The following SPACA7 variants were observed in gnomAD, a reference collection of about 807,000 sequenced individuals.
The protein encoded by SPACA7 is sperm acrosome-associated protein 7.
A neutral mutation model predicts 26.3 loss-of-function variants in SPACA7; 19 were observed. The observed-to-expected ratio is 0.72, with a 90% CI of 0.50 to 1.06. The LOEUF is 1.06. Ranked by LOEUF, SPACA7 falls within the 50% of genes least tolerant of loss-of-function variation. SPACA7 has a pLI of 0.00. For synonymous variants in SPACA7, 84 were observed against 84.5 expected, an observed-to-expected ratio of 0.99 and a Z score of 0.04; for missense variants, 211 against 229.9, an observed-to-expected ratio of 0.92 and a Z score of 0.53.
At chr13:112,383,099 A>AGAC (rs1491331672) in intron 1 of SPACA7, among the ~76,000 whole-genome samples, 1 of 22,000 alleles carries the variant, frequency 4.5e-5, no homozygotes, top group African/African-American at 1.1e-4. Context: ...AGAAAGAAAG[A>AGAC]AGAAAGAAAA....
At position 112,401,092 on chromosome 13, in the gene SPACA7, C is replaced by T. The variant is rs1244291109; in HGVS notation, c.373C>T (p.His125Tyr). ...AGAAGCCAATGCTAATGCAAATCTC[C>T]ATGGCGATCCTTCTGAGAATTATCG... Reference protein sequence around the residue: ...NDEANANANLHGDPSENYRGP... With the variant: ...NDEANANANLYGDPSENYRGP... Residue 125 changes from histidine (H) to tyrosine (Y), a missense_variant, in exon 5 of 7, where the codon CAT (histidine) becomes TAT (tyrosine). Transcript: ENST00000283550. 1.2e-6 allele frequency: 2 copies of T among 1,613,988 alleles called. No homozygotes were observed. Among genetic ancestry groups the T allele is most frequent in the Admixed American group, 3.3e-5 (2 of 60,000 alleles).
At chr13:112,395,204 G>C (rs1264250986) in intron 2 of SPACA7, among the ~76,000 whole-genome samples, 1 of 152,228 alleles carries the variant, frequency 6.6e-6, no homozygotes, top group African/African-American at 2.4e-5. Flanking sequence ...GGGTGTGCTG[G>C]GGATGGCTCA....
chr13:112,399,951 C>A (rs1885529456), intron 4 of SPACA7, among the ~76,000 whole-genome samples: 1 of 152,120 alleles, frequency 6.6e-6, no homozygotes, highest in Non-Finnish European at 1.5e-5. Context: ...TATAACCAGA[C>A]CTCATGAGAA....
chr13:112,377,593 C>G (rs1883775980), intron 1 of SPACA7, among the ~76,000 whole-genome samples: 1 of 152,140 alleles, frequency 6.6e-6, no homozygotes, highest in Admixed American at 6.5e-5. Context: ...CAGGCCAAGA[C>G]TAGGGGATTT....
intron 5 of SPACA7, among the ~76,000 whole-genome samples, chr13:112,413,362 A>G (rs965834843): frequency 4.7e-4 from 52 of 109,880 alleles, no homozygotes; most frequent in African/African-American, 2.0e-3. Flanking sequence ...CTTGGTTGGA[A>G]GAGTTGTTTT....
At chr13:112,405,279 GCT>G (rs1380710318) in intron 5 of SPACA7, among the ~76,000 whole-genome samples, 16 of 151,398 alleles carry the variant, frequency 1.1e-4, no homozygotes, top group Non-Finnish European at 2.4e-4. Flanking sequence ...TCACTTTCTT[GCT>G]CTTTTTCTAG....
intron 5 of SPACA7, among the ~76,000 whole-genome samples, chr13:112,411,513 C>T (rs1016575989): frequency 2.0e-5 from 3 of 152,144 alleles, no homozygotes; most frequent in Non-Finnish European, 2.9e-5. Flanking sequence ...ATCACCCTAC[C>T]GTGCTGCCAA....
chr13:112,399,148 C>A lies in SPACA7; in HGVS notation c.324C>A (p.Gly108=). 6.2e-7 allele frequency: 1 copy of A among 1,602,084 alleles called. No homozygotes were observed. Among genetic ancestry groups the A allele is most frequent in the Non-Finnish European group, 8.6e-7 (1 of 1,169,084 alleles). ...TAGAGAATTTACAATTCTCTCCTGGCATTGAGGTCAAAATTTCCAATGATG... is the reference window on the plus strand; with the variant it reads ...TAGAGAATTTACAATTCTCTCCTGGAATTGAGGTCAAAATTTCCAATGATG... ...ELLENLQFSP[G]IEVKISNDEA... The change falls in exon 4 of 7, where the codon GGC becomes GGA. Residue 108 remains glycine, a synonymous_variant. Transcript: ENST00000283550.
chr13:112,406,452 T>C (rs1045852863), intron 5 of SPACA7, among the ~76,000 whole-genome samples: 2 of 152,184 alleles, frequency 1.3e-5, no homozygotes, highest in African/African-American at 2.4e-5. Context: ...GCCAAGTAAT[T>C]TGGAAATTAC....
chr13:112,427,974 A>G (rs760514639), intron 5 of SPACA7, among the ~76,000 whole-genome samples: 1 of 152,122 alleles, frequency 6.6e-6, no homozygotes, highest in Non-Finnish European at 1.5e-5. Context: ...CTGCTCAGAG[A>G]ACCAGGTTTT....
chr13:112,421,391 A>G (rs539469864), intron 5 of SPACA7, among the ~76,000 whole-genome samples: 1 of 152,324 alleles, frequency 6.6e-6, no homozygotes, highest in Admixed American at 6.5e-5. Flanking sequence ...AACACTAAAA[A>G]TATTTAAGGT....
At chr13:112,413,004 C>A (rs527982481) in intron 5 of SPACA7, among the ~76,000 whole-genome samples, 2 of 152,132 alleles carry the variant, frequency 1.3e-5, no homozygotes, top group Admixed American at 6.5e-5. Flanking sequence ...TGCATTTTCA[C>A]GTTTTGTTGC....
rs545822047 is a variant in SPACA7 at position 112,382,409 on chromosome 13, A to C, written c.94+5930A>C. 3.9e-6 allele frequency: 6 copies of C among 1,546,760 alleles called. No homozygotes were observed. In the African/African-American group the frequency reaches 6.9e-5, roughly 18 times the overall value. On this transcript the variant is annotated intron_variant, in intron 1 of 6. Coordinates refer to ENST00000283550, the MANE Select transcript of SPACA7 (RefSeq NM_145248.5). ...CACCGTGCCTGGCCAATAACACCTT[A>C]ATCTTCAGGTGCAGGCTGTGAAGAT...
chr13:112,410,916 C>G (rs563463915), intron 5 of SPACA7, among the ~76,000 whole-genome samples: 1 of 152,104 alleles, frequency 6.6e-6, no homozygotes, highest in Non-Finnish European at 1.5e-5. Context: ...CTGACGAATA[C>G]ATGGATAAGC....
chr13:112,418,162 T>C (rs1398278472), intron 5 of SPACA7, among the ~76,000 whole-genome samples: 1 of 152,196 alleles, frequency 6.6e-6, no homozygotes, highest in African/African-American at 2.4e-5. Flanking sequence ...AGATAAAATA[T>C]AATAAACATT....
intron 2 of SPACA7, among the ~76,000 whole-genome samples, chr13:112,395,026 G>A (rs1885145349): frequency 6.6e-6 from 1 of 152,182 alleles, no homozygotes; most frequent in African/African-American, 2.4e-5. Flanking sequence ...GGCAGGCCAG[G>A]CCGAGACTCT....
At chr13:112,398,513 G>C (rs190040260) in intron 3 of SPACA7, among the ~76,000 whole-genome samples, 61 of 152,248 alleles carry the variant, frequency 4.0e-4, no homozygotes, top group Admixed American at 1.9e-3. Flanking sequence ...CTCACCCAAG[G>C]CTTCTGAGAG....
intron 5 of SPACA7, among the ~76,000 whole-genome samples, chr13:112,409,861 A>T (rs569673939): frequency 3.3e-5 from 5 of 152,328 alleles, no homozygotes; most frequent in South Asian, 2.1e-4. Context: ...CCATCCCATT[A>T]GTGGGTATAT....
At position 112,382,992 on chromosome 13, in the gene SPACA7, AAGAG is replaced by A. The variant is rs1339810486; in HGVS notation, c.94+6523_94+6526del. On this transcript the variant is annotated intron_variant, in intron 1 of 6. Transcript: ENST00000283550. Reference sequence around the variant, plus strand: ...CAACAAGAGTGAAACTCCGTCTAAAAAGAGAGAGAGAGAAAGACAGAAGGAAAGA... The same window carrying A: ...CAACAAGAGTGAAACTCCGTCTAAAAAGAGAGAGAAAGACAGAAGGAAAGA... Among the ~76,000 whole-genome samples, 5 of 149,520 alleles carry A rather than the reference AAGAG, an allele frequency of 3.3e-5. No homozygotes were observed. The South Asian group carries it at 8.6e-4, about 26-fold the overall frequency.
Sources: gnomAD v4.1 joint callset for allele counts (sites outside exome capture counted in the v4.1 genomes callset) on GRCh38, gnomAD v4.1.1 for gene constraint, MANE v1.5 for transcripts, NCBI Gene and HGNC (gene_info 2026-07-23, HGNC 2026-07-21) for gene names.